The following RPS6KA3 variants were observed in gnomAD, a reference collection of about 807,000 sequenced individuals.
RPS6KA3 encodes the protein ribosomal protein S6 kinase A3, also known as ribosomal protein S6 kinase alpha-3.
A neutral mutation model predicts 67.2 loss-of-function variants in RPS6KA3; 4 were observed. That is an observed-to-expected ratio of 0.06 (90% CI 0.03 to 0.14). The LOEUF (loss-of-function observed/expected upper bound fraction) is 0.14. Among genes scored for constraint, RPS6KA3 ranks in the 10% least tolerant of loss-of-function variants. The pLI is 1.00. For synonymous variants in RPS6KA3, 182 were observed against 183.7 expected (o/e 0.99, Z 0.07); for missense variants, 204 against 559.0 (o/e 0.36, Z 6.40).
At chrX:20,239,925 G>T (rs1037246073) in intron 1 of RPS6KA3, among the ~76,000 whole-genome samples, 1 of 111,379 alleles carries the variant, frequency 9.0e-6, no homozygotes, top group African/African-American at 3.2e-5. Context: ...TTATTAAGCA[G>T]ATTGCTTTGT....
chrX:20,160,593 A>T (rs1304575979), intron 20 of RPS6KA3, among the ~76,000 whole-genome samples: 1 of 109,841 alleles, frequency 9.1e-6, no homozygotes, highest in Non-Finnish European at 1.9e-5. Context: ...CACCTGGCTA[A>T]TTTTTTTGTA....
In RPS6KA3 at chrX:20,204,016, A is replaced by G; in HGVS notation, c.325+6T>C. ...CATGAACATTACAAATAGCAGCAACACTTACCTTTCAGTGTGGCCTTCTTC... is the reference window on the plus strand; with the variant it reads ...CATGAACATTACAAATAGCAGCAACGCTTACCTTTCAGTGTGGCCTTCTTC... On this transcript the variant is annotated splice_donor_region_variant and intron_variant, in intron 4 of 21. Coordinates refer to ENST00000379565, the MANE Select transcript of RPS6KA3 (RefSeq NM_004586.3). 1 of 1,187,808 alleles carries G rather than the reference A, an allele frequency of 8.4e-7. No homozygotes were observed. Among genetic ancestry groups the G allele is most frequent in the South Asian group, 1.8e-5 (1 of 56,462 alleles).
intron 1 of RPS6KA3, among the ~76,000 whole-genome samples, chrX:20,264,572 C>A (rs1197327796): frequency 8.9e-6 from 1 of 112,091 alleles, no homozygotes; most frequent in African/African-American, 3.2e-5. Flanking sequence ...GACCATAATC[C>A]TACCCTGCTG....
chrX:20,256,000 C>T (rs2070043310), intron 1 of RPS6KA3, among the ~76,000 whole-genome samples: 1 of 102,705 alleles, frequency 9.7e-6, no homozygotes, highest in African/African-American at 3.6e-5. Context: ...GTTCCAGCTA[C>T]TCGGGAGGCT....
At chrX:20,170,440 C>T (rs2067544646) in intron 15 of RPS6KA3, among the ~76,000 whole-genome samples, 1 of 110,741 alleles carries the variant, frequency 9.0e-6, no homozygotes, top group Non-Finnish European at 1.9e-5. Context: ...CTATGAGGGA[C>T]CAATTACACG....
chrX:20,208,396 C>T (rs999082315), intron 3 of RPS6KA3, among the ~76,000 whole-genome samples: 3 of 110,963 alleles, frequency 2.7e-5, no homozygotes, highest in African/African-American at 9.8e-5. Context: ...GGGAGACAAG[C>T]GCTACATGAA....
At chrX:20,264,836 A>G (rs772878332) in intron 1 of RPS6KA3, among the ~76,000 whole-genome samples, 1 of 112,390 alleles carries the variant, frequency 8.9e-6, no homozygotes, top group Non-Finnish European at 1.9e-5. Context: ...TTCTTTCCAC[A>G]AGTTCAGTAC....
At chrX:20,194,135 T>G (rs1340787949) in intron 6 of RPS6KA3, 54 bp downstream of exon 6, 6 of 745,358 alleles carry the variant, frequency 8.0e-6, no homozygotes, top group Non-Finnish European at 1.3e-5. Flanking sequence ...TAACAAAGCT[T>G]TAGTTCAAAC....
intron 2 of RPS6KA3, among the ~76,000 whole-genome samples, chrX:20,232,838 T>G (rs1387290624): frequency 1.8e-5 from 2 of 109,830 alleles, no homozygotes; most frequent in East Asian, 2.9e-4. Context: ...AGATGCAAAT[T>G]AAAATGGGAA....
At chrX:20,162,539 T>TAA (rs770465823) in intron 19 of RPS6KA3, among the ~76,000 whole-genome samples, 1,115 of 95,942 alleles carry the variant, frequency 0.012, 6 homozygotes, top group Admixed American at 0.016. Flanking sequence ...ACATCTGAAT[T>TAA]AAAAAAAAAA....
At chrX:20,166,089 G>A (rs2067429483) in intron 17 of RPS6KA3, among the ~76,000 whole-genome samples, 1 of 112,061 alleles carries the variant, frequency 8.9e-6, no homozygotes, top group African/African-American at 3.2e-5. Context: ...TAATATTTTT[G>A]ACAATGGTTG....
At chrX:20,179,037 G>A (rs1370350996) in intron 10 of RPS6KA3, among the ~76,000 whole-genome samples, 1 of 110,897 alleles carries the variant, frequency 9.0e-6, no homozygotes, top group Non-Finnish European at 1.9e-5. Flanking sequence ...TGGGTAAGAG[G>A]TCACTGTTTT....
At chrX:20,227,311 G>T (rs2069146254) in intron 2 of RPS6KA3, among the ~76,000 whole-genome samples, 1 of 111,565 alleles carries the variant, frequency 9.0e-6, no homozygotes, top group Non-Finnish European at 1.9e-5. Flanking sequence ...ATCTTTTGTT[G>T]CCAAATCCCA....
intron 2 of RPS6KA3, among the ~76,000 whole-genome samples, chrX:20,211,731 G>T (rs1166428836): frequency 9.0e-6 from 1 of 110,827 alleles, no homozygotes; most frequent in Non-Finnish European, 1.9e-5. Context: ...ATTCCAGCAT[G>T]TGTCAGTTAG....
Position 20,152,485 on chromosome X carries a change from A to T in RPS6KA3, c.*2913T>A. ...AGTTTAGTTTCTTCTTTCACAATGA[A>T]ATATCTTTAAGACTGGACTGATACC... On this transcript the variant is annotated 3_prime_UTR_variant, in exon 22 of 22. Coordinates refer to ENST00000379565, the MANE Select transcript of RPS6KA3 (RefSeq NM_004586.3). 8.9e-6 allele frequency: 1 copy of T among 112,150 alleles called. No homozygotes were observed. Among genetic ancestry groups the T allele is most frequent in the Non-Finnish European group, 1.9e-5 (1 of 53,218 alleles). The allele number at this position is 112,150 out of a possible 1,213,427, so 9.2% of individuals were successfully genotyped here. A position where few individuals can be genotyped will look rare whatever the true frequency, so the allele number is the denominator to read the frequency against.
At chrX:20,259,685 C>A (rs1335075943) in intron 1 of RPS6KA3, among the ~76,000 whole-genome samples, 2 of 111,092 alleles carry the variant, frequency 1.8e-5, no homozygotes, top group Non-Finnish European at 3.8e-5. Flanking sequence ...AGATGGTTTA[C>A]AAAAAAGGGG....
At chrX:20,212,676 C>T (rs1054995587) in intron 2 of RPS6KA3, among the ~76,000 whole-genome samples, 6 of 109,796 alleles carry the variant, frequency 5.5e-5, no homozygotes, top group African/African-American at 2.0e-4. Context: ...GAGGTCGAGG[C>T]TACAGTGAGC....
At chrX:20,181,802 T>C (rs759859276) in intron 10 of RPS6KA3, among the ~76,000 whole-genome samples, 2 of 110,994 alleles carry the variant, frequency 1.8e-5, no homozygotes, top group Non-Finnish European at 3.8e-5. Flanking sequence ...ACAAATAGGC[T>C]GTGGAATAAA....
chrX:20,181,035 T>C lies in RPS6KA3; in HGVS notation c.846-3951A>G, dbSNP rs1603423447. Among the ~76,000 whole-genome samples, 4 of 112,045 alleles carry C rather than the reference T, an allele frequency of 3.6e-5. No individual in the cohort carries two copies. In the South Asian group the frequency reaches 1.5e-3, roughly 41 times the overall value. On this transcript the variant is annotated intron_variant, in intron 10 of 21. Coordinates refer to ENST00000379565, the MANE Select transcript of RPS6KA3 (RefSeq NM_004586.3). The stretch of plus-strand genomic sequence containing the variant: ...AAATCTGAAAAACTTAGTTAAGGAC[T>C]GATGATACCTAAGCATTATTGCTAG...
Sources: allele counts gnomAD v4.1 joint callset (sites outside exome capture counted in the v4.1 genomes callset), GRCh38; gene constraint gnomAD v4.1.1; transcripts MANE v1.5; gene names NCBI Gene and HGNC (gene_info 2026-07-23, HGNC 2026-07-21).